The following CC2D2A variants were observed in gnomAD, a reference collection of about 807,000 sequenced individuals.
CC2D2A encodes coiled-coil and C2 domain-containing protein 2A.
In CC2D2A, 155 loss-of-function variants were observed where a neutral mutation model predicts 212.9. The observed-to-expected ratio is 0.73, with a 90% CI of 0.64 to 0.83. CC2D2A has a LOEUF of 0.83. CC2D2A is among the 40% of genes least tolerant of loss of function. The pLI is 0.00. For synonymous variants in CC2D2A, 667 were observed against 686.5 expected (o/e 0.97, Z 0.44); for missense variants, 1,856 against 1,956.2 (o/e 0.95, Z 0.97).
rs549116537 is a variant in CC2D2A at position 15,524,282 on chromosome 4, G to A, written c.1150-3165G>A. The stretch of plus-strand genomic sequence containing the variant: ...CGAGTAGCTGGGATTATAGGCACCC[G>A]CCACCAAACCCGGCTAACTTTTGTA... On this transcript the variant is annotated intron_variant, in intron 11 of 36. Coordinates refer to ENST00000424120, the MANE Select transcript of CC2D2A (RefSeq NM_001378615.1). Among the ~76,000 whole-genome samples the A allele has an allele frequency of 7.3e-5, 11 of 151,116 alleles. No homozygotes were observed. The South Asian group carries it at 1.5e-3, about 20-fold the overall frequency.
At chr4:15,500,096 TGTGTG>T in intron 4 of CC2D2A, among the ~76,000 whole-genome samples, 1 of 58,670 alleles carries the variant, frequency 1.7e-5, no homozygotes, top group South Asian at 6.1e-4. Flanking sequence ...TGTGTGTGTG[TGTGTG>T]TGTGTGTATA....
At chr4:15,484,424 C>G (rs961500181) in intron 4 of CC2D2A, among the ~76,000 whole-genome samples, 5 of 152,114 alleles carry the variant, frequency 3.3e-5, no homozygotes, top group African/African-American at 1.2e-4. Context: ...TTGGAGGGTT[C>G]AAGCCCAGGA....
intron 5 of CC2D2A, 101 bp from the exon 6 acceptor site, chr4:15,502,721 C>T (rs1716029795): frequency 8.8e-7 from 1 of 1,131,178 alleles, no homozygotes; most frequent in South Asian, 1.5e-5. Flanking sequence ...GAACCATTTT[C>T]CTTGCTCTTC....
At position 15,502,844 on chromosome 4, in the gene CC2D2A, T is replaced by A; in HGVS notation, c.359T>A (p.Leu120Gln). 2 of 1,611,378 alleles carry A rather than the reference T, an allele frequency of 1.2e-6. No homozygotes were observed. Among genetic ancestry groups the A allele is most frequent in the East Asian group, 4.5e-5 (2 of 44,812 alleles). Residue 120 changes from leucine (L) to glutamine (Q), a missense_variant, in exon 6 of 37, where the codon CTG becomes CAG. Around this residue, in one of 5 missense-constraint regions of CC2D2A, gnomAD observed 1,512 missense variants for 1,579.3 expected, o/e 0.96. Transcript: ENST00000424120. ...AARSKAESAL[L>Q]QEIPTPRPRR... ...TAGTCCAAAGCAGAAAGTGCATTGC[T>A]GCAGGAAATCCCCACTCCTCGGCCC... is the stretch of plus-strand genomic sequence containing the variant.
intron 35 of CC2D2A, 102 bp from the exon 36 acceptor site, chr4:15,599,427 A>C: frequency 2.8e-6 from 2 of 718,598 alleles, no homozygotes; most frequent in Non-Finnish European, 4.4e-6. Flanking sequence ...ATCAACAAAA[A>C]TATAGTTATA....
intron 11 of CC2D2A, among the ~76,000 whole-genome samples, chr4:15,517,320 T>C (rs1041859627): frequency 7.9e-5 from 12 of 152,154 alleles, no homozygotes; most frequent in Non-Finnish European, 1.5e-4. Flanking sequence ...TTTTTACACA[T>C]CCAGGTTAGC....
intron 23 of CC2D2A, 56 bp from the exon 24 acceptor site, chr4:15,563,299 C>T: frequency 3.3e-6 from 5 of 1,503,198 alleles, no homozygotes; most frequent in Non-Finnish European, 4.5e-6. Flanking sequence ...AGTCGTCTCA[C>T]AATTTTGCAG....
intron 4 of CC2D2A, among the ~76,000 whole-genome samples, chr4:15,500,107 G>GTATATATATATATATATA (rs55743422): frequency 3.5e-5 from 4 of 112,930 alleles, no homozygotes; most frequent in African/African-American, 1.1e-4. Flanking sequence ...GTGTGTGTGT[G>GTATATATATATATATATA]TATATATATA....
At chr4:15,576,473 T>C (rs1463399342) in intron 29 of CC2D2A, 12 of 482,326 alleles carry the variant, frequency 2.5e-5, no homozygotes, top group Non-Finnish European at 3.2e-5. Context: ...TAAAGATGGG[T>C]AGAAACTCCT....
chr4:15,555,272 C>T (rs1445270086), intron 20 of CC2D2A, 62 bp downstream of exon 20: 32 of 1,575,934 alleles, frequency 2.0e-5, no homozygotes, highest in Middle Eastern at 1.7e-4. Flanking sequence ...TTTTCCTTTA[C>T]ACTATCTTCT....
intron 4 of CC2D2A, among the ~76,000 whole-genome samples, chr4:15,490,745 A>G (rs1715253758): frequency 6.6e-6 from 1 of 152,158 alleles, no homozygotes; most frequent in Non-Finnish European, 1.5e-5. Context: ...AGTAAAAACT[A>G]AAAGGCAGAA....
chr4:15,597,383 TC>T (rs1487928754), intron 34 of CC2D2A, 23 bp from the exon 35 acceptor site: 1 of 1,526,200 alleles, frequency 6.6e-7, no homozygotes, highest in Admixed American at 2.0e-5. Context: ...TTTTATACTT[TC>T]TGAACTATTT....
chr4:15,574,079 G>A (rs1024568886), intron 28 of CC2D2A, 71 bp from the exon 29 acceptor site: 3 of 1,313,494 alleles, frequency 2.3e-6, no homozygotes, highest in African/African-American at 1.5e-5. Context: ...ACAATGAGGA[G>A]TTGACACTTG....
chr4:15,516,884 A>C (rs1716906101), intron 11 of CC2D2A, 128 bp downstream of exon 11: 2 of 841,188 alleles, frequency 2.4e-6, no homozygotes, highest in Admixed American at 6.6e-5. Flanking sequence ...CTTACACATA[A>C]AGAACAAACA....
intron 12 of CC2D2A, 70 bp from the exon 13 acceptor site, chr4:15,528,550 G>A: frequency 7.9e-7 from 1 of 1,272,798 alleles, no homozygotes; most frequent in African/African-American, 1.5e-5. Context: ...AGGAGAAGTG[G>A]GTGGGTCCAG....
intron 24 of CC2D2A, among the ~76,000 whole-genome samples, chr4:15,566,045 G>C (rs552697479): frequency 1.3e-5 from 2 of 152,246 alleles, no homozygotes; most frequent in Non-Finnish European, 2.9e-5. Flanking sequence ...TCTATAGAAA[G>C]AGACTATTTG....
At chr4:15,564,439 C>T (rs1719786125) in intron 24 of CC2D2A, among the ~76,000 whole-genome samples, 1 of 152,146 alleles carries the variant, frequency 6.6e-6, no homozygotes, top group African/African-American at 2.4e-5. Context: ...CACCATGTTT[C>T]AAGCACCATG....
chr4:15,563,687 A>C, intron 24 of CC2D2A, 165 bp downstream of exon 24: 1 of 640,582 alleles, frequency 1.6e-6, no homozygotes, highest in Non-Finnish European at 2.7e-6. Context: ...AATACATTCC[A>C]ATTCCATCAA....
At chr4:15,494,386 G>T (rs1456644111) in intron 4 of CC2D2A, among the ~76,000 whole-genome samples, 1 of 152,220 alleles carries the variant, frequency 6.6e-6, no homozygotes, top group Non-Finnish European at 1.5e-5. Context: ...CTCGGAAAGA[G>T]TGAGCCTGGG....
Sources: gnomAD v4.1 joint callset for allele counts (sites outside exome capture counted in the v4.1 genomes callset) on GRCh38, gnomAD v4.1.1 for gene constraint, gnomAD v4.1.1 regional missense constraint, MANE v1.5 for transcripts, NCBI Gene and HGNC (gene_info 2026-07-23, HGNC 2026-07-21) for gene names.